CNTN6: variants seen among roughly 807,000 people sequenced by gnomAD.
CNTN6 encodes the protein contactin-6.
Under a neutral mutation model 122.8 loss-of-function variants are expected in CNTN6, and 137 were observed. That is an observed-to-expected ratio of 1.12 (90% confidence interval 0.97 to 1.29). The LOEUF is 1.29. Among genes scored for constraint, CNTN6 ranks in the 50% most tolerant of loss-of-function variants. CNTN6 has a pLI of 0.00. For missense variants in CNTN6, 1,634 were observed against 1,223.4 expected (o/e 1.34, Z -5.01); for synonymous variants, 570 against 426.0 (o/e 1.34, Z -4.16).
chr3:1,305,208 A>G (rs562139273), intron 7 of CNTN6, among the ~76,000 whole-genome samples: 1 of 152,310 alleles, frequency 6.6e-6, no homozygotes, highest in East Asian at 1.9e-4. Context: ...ACCATCATGC[A>G]GACAGAATGT....
intron 2 of CNTN6, among the ~76,000 whole-genome samples, chr3:1,200,454 A>C (rs905384235): frequency 6.6e-6 from 1 of 152,188 alleles, no homozygotes; most frequent in African/African-American, 2.4e-5. Flanking sequence ...CTCTAAAGCT[A>C]CAGTAAGAAC....
At chr3:1,178,900 C>G (rs1270432165) in intron 2 of CNTN6, among the ~76,000 whole-genome samples, 1 of 152,152 alleles carries the variant, frequency 6.6e-6, no homozygotes, top group African/African-American at 2.4e-5. Flanking sequence ...TCTCTTCACA[C>G]TGCAACTCTC....
chr3:1,308,532 G>A (rs1177668970), intron 7 of CNTN6, among the ~76,000 whole-genome samples: 6 of 152,008 alleles, frequency 3.9e-5, no homozygotes, highest in African/African-American at 1.4e-4. Flanking sequence ...ACAGAGAAAA[G>A]AAGTATGTGT....
chr3:1,238,496 G>A (rs1331478990), intron 4 of CNTN6, among the ~76,000 whole-genome samples: 1 of 152,054 alleles, frequency 6.6e-6, no homozygotes, highest in South Asian at 2.1e-4. Flanking sequence ...AATAGTGGAG[G>A]ACTTTAACAC....
intron 22 of CNTN6, among the ~76,000 whole-genome samples, chr3:1,402,982 T>C (rs1032338411): frequency 5.9e-5 from 9 of 152,104 alleles, no homozygotes; most frequent in African/African-American, 2.2e-4. Context: ...TAGCAGGCAA[T>C]AATAATGTAT....
At chr3:1,185,334 T>TA (rs142916196) in intron 2 of CNTN6, among the ~76,000 whole-genome samples, 1,787 of 152,274 alleles carry the variant, frequency 0.012, 37 homozygotes, top group African/African-American at 0.04. Flanking sequence ...ATTGTTTATT[T>TA]AAAAAAGATG....
chr3:1,136,542 C>A (rs1368487517), intron 1 of CNTN6, among the ~76,000 whole-genome samples: 1 of 152,148 alleles, frequency 6.6e-6, no homozygotes, highest in Non-Finnish European at 1.5e-5. Context: ...TTTAGCCTTG[C>A]ATTTTGCATA....
chr3:1,306,844 T>C (rs1325659728), intron 7 of CNTN6, among the ~76,000 whole-genome samples: 1 of 152,190 alleles, frequency 6.6e-6, no homozygotes, highest in African/African-American at 2.4e-5. Flanking sequence ...TATTATATTT[T>C]TGTGTTAAGG....
chr3:1,280,330 T>C (rs1036855870), intron 5 of CNTN6, among the ~76,000 whole-genome samples: 1 of 152,028 alleles, frequency 6.6e-6, no homozygotes, highest in Non-Finnish European at 1.5e-5. Flanking sequence ...GAGGCCCTCA[T>C]TGTAACAGCG....
intron 1 of CNTN6, among the ~76,000 whole-genome samples, chr3:1,125,236 G>A (rs2092117445): frequency 3.3e-5 from 5 of 151,782 alleles, no homozygotes; most frequent in Admixed American, 3.3e-4. Context: ...AACTATATCT[G>A]ATTTTTTAAA....
intron 2 of CNTN6, among the ~76,000 whole-genome samples, chr3:1,170,390 T>G (rs771769600): frequency 2.0e-5 from 3 of 152,096 alleles, no homozygotes; most frequent in African/African-American, 2.4e-5. Context: ...ATGGGTAACG[T>G]AAGCTAAAGA....
At chr3:1,377,670 C>G (rs1048084180) in intron 17 of CNTN6, among the ~76,000 whole-genome samples, 4 of 152,126 alleles carry the variant, frequency 2.6e-5, no homozygotes, top group Non-Finnish European at 5.9e-5. Flanking sequence ...TTCAGTATCT[C>G]AGTGCCTCAG....
At chr3:1,202,745 G>A (rs2093903340) in intron 2 of CNTN6, among the ~76,000 whole-genome samples, 1 of 150,354 alleles carries the variant, frequency 6.7e-6, no homozygotes, top group Non-Finnish European at 1.5e-5. Flanking sequence ...TTCTCACACA[G>A]GGAATGAACC....
intron 2 of CNTN6, among the ~76,000 whole-genome samples, chr3:1,178,504 A>G (rs1335085819): frequency 6.6e-6 from 1 of 152,190 alleles, no homozygotes; most frequent in Non-Finnish European, 1.5e-5. Context: ...GCTTCAATAT[A>G]TGAATTAGAG....
intron 2 of CNTN6, among the ~76,000 whole-genome samples, chr3:1,157,203 T>TATTC (rs2092992451): frequency 7.1e-6 from 1 of 141,506 alleles, no homozygotes; most frequent in African/African-American, 2.8e-5. Context: ...TTTATTTATT[T>TATTC]ATTTATTTAT....
chr3:1,310,977 G>C (rs886772696), intron 7 of CNTN6, among the ~76,000 whole-genome samples: 1 of 152,012 alleles, frequency 6.6e-6, no homozygotes, highest in South Asian at 2.1e-4. Flanking sequence ...GTTCCCAAAG[G>C]ACAAAAACGA....
intron 6 of CNTN6, among the ~76,000 whole-genome samples, chr3:1,296,572 C>T (rs182146039): frequency 6.6e-6 from 1 of 152,006 alleles, no homozygotes; most frequent in African/African-American, 2.4e-5. Flanking sequence ...AATGCAATAC[C>T]TCGTGGAGTT....
rs80181525 is a variant in CNTN6, at chr3:1,334,382, T to A, written c.1364+4447T>A. ...ATGCTAGACTCCTCTTTTTATTTTT[T>A]TTTTTTTTTTGAGGCCACTATTTCC... On this transcript the variant is annotated intron_variant, in intron 11 of 22. Coordinates refer to ENST00000446702, the MANE Select transcript of CNTN6 (RefSeq NM_001289080.2). Among the ~76,000 whole-genome samples the A allele has an allele frequency of 3.2e-3, 402 of 127,396 alleles. 1 individual carries two copies. Among genetic ancestry groups the A allele is most frequent in the African/African-American group, 0.012 (344 of 29,902 alleles). The allele number at this position is 127,396 out of a possible 152,430, so 83.6% of individuals were successfully genotyped here. A position where few individuals can be genotyped will look rare whatever the true frequency, so the allele number is the denominator to read the frequency against.
chr3:1,300,581 GAAAGAAAGAAAGA>G (rs1697180231), intron 7 of CNTN6, among the ~76,000 whole-genome samples: 6 of 39,590 alleles, frequency 1.5e-4, no homozygotes, highest in African/African-American at 3.6e-4. Context: ...AAGAAAGAAA[GAAAGAAAGAAAGA>G]AAGAAAGAAA....
Sources: gnomAD v4.1 joint callset for allele counts (sites outside exome capture counted in the v4.1 genomes callset) on GRCh38, gnomAD v4.1.1 for gene constraint, MANE v1.5 for transcripts, NCBI Gene and HGNC (gene_info 2026-07-23, HGNC 2026-07-21) for gene names.